The following CPEB3 variants were observed in gnomAD, a reference collection of about 807,000 sequenced individuals.
CPEB3 encodes cytoplasmic polyadenylation element-binding protein 3.
A neutral mutation model predicts 67.2 loss-of-function variants in CPEB3; 20 were observed. The observed-to-expected ratio is 0.30, with a 90% confidence interval of 0.21 to 0.43. The LOEUF is 0.43. CPEB3 is among the 20% of genes least tolerant of loss of function. CPEB3 has a pLI of 1.00. For synonymous variants in CPEB3, 376 were observed against 393.1 expected (o/e 0.96, Z 0.51); for missense variants, 746 against 968.6 (o/e 0.77, Z 3.05).
intron 1 of CPEB3, among the ~76,000 whole-genome samples, chr10:92,262,648 A>T (rs1852855165): frequency 6.6e-6 from 1 of 152,094 alleles, no homozygotes; most frequent in Non-Finnish European, 1.5e-5. Flanking sequence ...GGAGTTCAAG[A>T]CCAGCCTGGG....
chr10:92,067,100 A>G (rs1022429248), intron 9 of CPEB3, among the ~76,000 whole-genome samples: 3 of 150,658 alleles, frequency 2.0e-5, no homozygotes, highest in Non-Finnish European at 4.4e-5. Context: ...TTTTATAAAT[A>G]AAAATATTTT....
intron 7 of CPEB3, among the ~76,000 whole-genome samples, chr10:92,107,312 T>C (rs1226333492): frequency 2.0e-5 from 3 of 152,244 alleles, no homozygotes; most frequent in Non-Finnish European, 4.4e-5. Context: ...AAAATCACTC[T>C]GTTGTATTTC....
chr10:92,172,613 A>C (rs1374947735), intron 4 of CPEB3, among the ~76,000 whole-genome samples: 6 of 152,266 alleles, frequency 3.9e-5, no homozygotes, highest in Admixed American at 3.9e-4. Flanking sequence ...TGCTGGCTGT[A>C]TGACATTAGC....
In CPEB3 at chr10:92,051,845, AACAAC is replaced by A. The variant is rs1470542443; in HGVS notation, c.*362_*366del. ...GCATGCTCCAGTTCAAAACAATCAGAACAACACCACAACAACAAACAAAAGAATCA... is the reference window on the plus strand; with the variant it reads ...GCATGCTCCAGTTCAAAACAATCAGAACCACAACAACAAACAAAAGAATCA... On this transcript the variant is annotated 3_prime_UTR_variant, in exon 10 of 10. Transcript: ENST00000265997. The A allele has an allele frequency of 2.2e-5, 4 of 182,210 alleles. No homozygotes were observed. The highest frequency in any genetic ancestry group is 9.5e-5 in the African/African-American group (4 of 42,222). 11.3% of individuals were successfully genotyped at this position (182,210 alleles called of 1,614,324 possible).
intron 3 of CPEB3, among the ~76,000 whole-genome samples, chr10:92,190,999 T>C (rs768140686): frequency 1.3e-5 from 2 of 152,208 alleles, no homozygotes; most frequent in African/African-American, 4.8e-5. Context: ...ATAATGCTTA[T>C]CATATGAGAA....
intron 9 of CPEB3, among the ~76,000 whole-genome samples, chr10:92,067,943 G>C (rs1280576291): frequency 6.6e-6 from 1 of 152,184 alleles, no homozygotes; most frequent in African/African-American, 2.4e-5. Context: ...ATCTAGGGTA[G>C]ATTTTTAAAA....
In CPEB3 at chr10:92,052,029, C is replaced by A; in HGVS notation, c.*183G>T. The A allele has an allele frequency of 1.8e-6, 1 of 570,446 alleles. No homozygotes were observed. The highest frequency in any genetic ancestry group is 4.7e-4 in the Middle Eastern group (1 of 2,142). 35.3% of individuals were successfully genotyped at this position (570,446 alleles called of 1,614,324 possible). A position where few individuals can be genotyped will look rare whatever the true frequency, so the allele number is the denominator to read the frequency against. On this transcript the variant is annotated 3_prime_UTR_variant, in exon 10 of 10. Transcript: ENST00000265997. Reference sequence around the variant, plus strand: ...CTACACTCTGCAATTCTGCATTATACTGGACACTGAGTTCAGTAATATGAC... The same window carrying A: ...CTACACTCTGCAATTCTGCATTATAATGGACACTGAGTTCAGTAATATGAC...
At chr10:92,153,488 CA>C (rs1847059475) in intron 4 of CPEB3, among the ~76,000 whole-genome samples, 1 of 152,020 alleles carries the variant, frequency 6.6e-6, no homozygotes, top group African/African-American at 2.4e-5. Context: ...TGTTAAACAT[CA>C]AAAATACTAG....
intron 6 of CPEB3, among the ~76,000 whole-genome samples, chr10:92,113,749 C>T (rs374779791): frequency 1.3e-5 from 2 of 152,142 alleles, no homozygotes. Context: ...AAAGAAAAGG[C>T]GGTTGTCTCC....
intron 4 of CPEB3, among the ~76,000 whole-genome samples, chr10:92,160,235 G>A (rs1341674464): frequency 6.6e-6 from 1 of 151,960 alleles, no homozygotes; most frequent in Non-Finnish European, 1.5e-5. Context: ...GTGAGCCACC[G>A]CGCCCAGCTG....
In CPEB3 at chr10:92,240,144, G is replaced by C. The variant is rs1851767229; in HGVS notation, c.207C>G (p.Asp69Glu). ...GGAGCGGTGATTCCATCTGCATCTTGTCCGGGCCGTTGGGGGCCGGGGGGG... is the reference window on the plus strand; with the variant it reads ...GGAGCGGTGATTCCATCTGCATCTTCTCCGGGCCGTTGGGGGCCGGGGGGG... ...AAAPPAPNGP[D>E]KMQMESPLLP... Residue 69 changes from aspartate (D) to glutamate (E), a missense_variant, in exon 2 of 10, where the codon GAC becomes GAG. Physicochemically the swap from Asp to Glu is conservative, Grantham distance 45. Coordinates refer to ENST00000265997, the MANE Select transcript of CPEB3 (RefSeq NM_014912.5). 6.4e-7 allele frequency: 1 copy of C among 1,564,610 alleles called. No homozygotes were observed.
At chr10:92,260,377 C>A (rs1324666495) in intron 1 of CPEB3, among the ~76,000 whole-genome samples, 1 of 151,706 alleles carries the variant, frequency 6.6e-6, no homozygotes, top group Non-Finnish European at 1.5e-5. Flanking sequence ...ATGATGAAAC[C>A]CCATCTCTAC....
intron 9 of CPEB3, among the ~76,000 whole-genome samples, chr10:92,064,749 G>A (rs972821601): frequency 6.6e-6 from 1 of 152,092 alleles, no homozygotes; most frequent in African/African-American, 2.4e-5. Flanking sequence ...TCTATAATAT[G>A]GCCATAGACA....
intron 1 of CPEB3, among the ~76,000 whole-genome samples, chr10:92,289,453 G>T (rs1279585259): frequency 1.3e-5 from 2 of 151,336 alleles, no homozygotes; most frequent in Admixed American, 6.6e-5. Context: ...AGGCTAGAAG[G>T]ATCACTTGAA....
chr10:92,196,657 A>C (rs1312885785), intron 2 of CPEB3, among the ~76,000 whole-genome samples: 2 of 151,824 alleles, frequency 1.3e-5, no homozygotes, highest in Non-Finnish European at 2.9e-5. Context: ...AGTCCCAACT[A>C]CTCGGGAGGC....
At chr10:92,215,463 G>C (rs1365622050) in intron 2 of CPEB3, among the ~76,000 whole-genome samples, 1 of 136,856 alleles carries the variant, frequency 7.3e-6, no homozygotes, top group Non-Finnish European at 1.5e-5. Flanking sequence ...TTTTTTTTTA[G>C]ACGGAGTCTC....
At chr10:92,227,065 A>G (rs1851012408) in intron 2 of CPEB3, among the ~76,000 whole-genome samples, 1 of 152,150 alleles carries the variant, frequency 6.6e-6, no homozygotes, top group Non-Finnish European at 1.5e-5. Context: ...ACTTTGTCCT[A>G]TTTTTATAAA....
chr10:92,147,104 C>T (rs897794330), intron 4 of CPEB3, among the ~76,000 whole-genome samples: 5 of 152,082 alleles, frequency 3.3e-5, no homozygotes, highest in Non-Finnish European at 7.4e-5. Flanking sequence ...GAAAATAATG[C>T]GTACGTTATG....
chr10:92,160,776 C>G (rs1237067658), intron 4 of CPEB3, among the ~76,000 whole-genome samples: 1 of 152,178 alleles, frequency 6.6e-6, no homozygotes. Flanking sequence ...TCTTCAACCA[C>G]TAAACATCCA....
Sources: allele counts gnomAD v4.1 joint callset (sites outside exome capture counted in the v4.1 genomes callset), GRCh38; gene constraint gnomAD v4.1.1; transcripts MANE v1.5; gene names NCBI Gene and HGNC (gene_info 2026-07-23, HGNC 2026-07-21).